Variants in ATXN1 observed in about 807,000 individuals in gnomAD.
ATXN1 encodes the protein ataxin-1.
In ATXN1, 8 loss-of-function variants were observed where a neutral mutation model predicts 56.4. The ratio of observed to expected loss-of-function variants is 0.14; its 90% CI spans 0.08 to 0.26. ATXN1 has a LOEUF of 0.26. Among genes scored for constraint, ATXN1 ranks in the 10% least tolerant of loss-of-function variants. The pLI, the probability that ATXN1 is intolerant of heterozygous loss-of-function variation, is 1.00. For synonymous variants in ATXN1, 514 were observed against 494.6 expected, an observed-to-expected ratio of 1.04 and a Z score of -0.52; for missense variants, 987 against 1,106.5, an observed-to-expected ratio of 0.89 and a Z score of 1.53.
At chr6:16,715,742 A>T (rs1293958958) in intron 2 of ATXN1, among the ~76,000 whole-genome samples, 1 of 152,210 alleles carries the variant, frequency 6.6e-6, no homozygotes, top group Non-Finnish European at 1.5e-5. Context: ...TATGTTTTGG[A>T]ATCTACAGAT....
chr6:16,504,964 C>T (rs1239591803), intron 5 of ATXN1, among the ~76,000 whole-genome samples: 1 of 151,426 alleles, frequency 6.6e-6, no homozygotes, highest in Non-Finnish European at 1.5e-5. Context: ...CCCACCTCCT[C>T]CTCCTCCTGC....
At chr6:16,397,359 C>G (rs192442201) in intron 6 of ATXN1, among the ~76,000 whole-genome samples, 2 of 152,296 alleles carry the variant, frequency 1.3e-5, no homozygotes, top group East Asian at 3.9e-4. Context: ...CAACCTCCAC[C>G]TCCAAGTGAT....
At chr6:16,364,309 G>C (rs528774613) in intron 6 of ATXN1, among the ~76,000 whole-genome samples, 2 of 151,836 alleles carry the variant, frequency 1.3e-5, no homozygotes, top group East Asian at 1.9e-4. Context: ...TGAGGTTCTA[G>C]ATTTTTTTTT....
intron 2 of ATXN1, among the ~76,000 whole-genome samples, chr6:16,710,912 C>T (rs970203592): frequency 1.3e-5 from 2 of 151,774 alleles, no homozygotes; most frequent in African/African-American, 2.4e-5. Flanking sequence ...TTAATAGAGA[C>T]ACGGTCTCAC....
chr6:16,735,973 A>C (rs182108040), intron 2 of ATXN1, among the ~76,000 whole-genome samples: 4 of 152,348 alleles, frequency 2.6e-5, no homozygotes, highest in Admixed American at 2.6e-4. Flanking sequence ...GCTGAGAAAA[A>C]ATAGAATTAA....
intron 4 of ATXN1, among the ~76,000 whole-genome samples, chr6:16,562,560 T>A (rs75076424): frequency 6.6e-6 from 1 of 151,550 alleles, no homozygotes; most frequent in South Asian, 2.1e-4. Context: ...ATGAAATGGC[T>A]GGCAGCAGCC....
chr6:16,539,372 T>C (rs1761668634), intron 4 of ATXN1, among the ~76,000 whole-genome samples: 2 of 152,154 alleles, frequency 1.3e-5, no homozygotes, highest in South Asian at 2.1e-4. Flanking sequence ...CAGAGGCCTA[T>C]GTATTTTGCT....
chr6:16,402,756 C>T (rs1284989653), intron 6 of ATXN1, among the ~76,000 whole-genome samples: 1 of 152,168 alleles, frequency 6.6e-6, no homozygotes, highest in Non-Finnish European at 1.5e-5. Flanking sequence ...AACCAACTCC[C>T]GCTGTGCCCA....
chr6:16,327,182 C>T lies in ATXN1; in HGVS notation c.1129G>A (p.Gly377Arg). The T allele has an allele frequency of 1.2e-6, 2 of 1,613,962 alleles. No homozygotes were observed. The highest frequency in any genetic ancestry group is 8.5e-7 in the Non-Finnish European group (1 of 1,180,024). Residue 377 changes from glycine (G) to arginine (R), a missense_variant, in exon 7 of 8, where the codon GGG (glycine) becomes AGG (arginine). Coordinates refer to ENST00000436367, the MANE Select transcript of ATXN1 (RefSeq NM_001128164.2). ...AGGACCATCACAGAGGCCCGGACCCCCGAAGGATCACGACTGCTGTAGTCT... is the reference window on the plus strand; with the variant it reads ...AGGACCATCACAGAGGCCCGGACCCTCGAAGGATCACGACTGCTGTAGTCT... ...PSDYSSRDPSGVRASVMVLPN... is the reference protein window; with the variant it reads ...PSDYSSRDPSRVRASVMVLPN...
At chr6:16,674,336 C>T (rs200931150) in intron 2 of ATXN1, among the ~76,000 whole-genome samples, 20 of 78,100 alleles carry the variant, frequency 2.6e-4, no homozygotes, top group Non-Finnish European at 2.8e-4. Flanking sequence ...AGAGAACTTT[C>T]TTTTTTTTTT....
intron 6 of ATXN1, among the ~76,000 whole-genome samples, chr6:16,403,136 C>T (rs1758612680): frequency 6.6e-6 from 1 of 152,102 alleles, no homozygotes; most frequent in African/African-American, 2.4e-5. Flanking sequence ...CACATGTACA[C>T]ACACATACAC....
Position 16,326,260 on chromosome 6 carries a change from A to G in ATXN1, c.1917+134T>C. 1 of 1,444,292 alleles carries G rather than the reference A, an allele frequency of 6.9e-7. No homozygotes were observed. The highest frequency in any genetic ancestry group is 1.5e-5 in the South Asian group (1 of 67,768). The allele number at this position is 1,444,292 out of a possible 1,614,324, so 89.5% of individuals were successfully genotyped here. ...ATTTTTTCTAGAGAACGCAGTTGGG[A>G]AAGGCCGAGTCTAAGGTCTAGGTGT... On this transcript the variant is annotated intron_variant, in intron 7 of 7. Coordinates refer to ENST00000436367, the MANE Select transcript of ATXN1 (RefSeq NM_001128164.2). This position sits in a 1 kb window ranked among gnomAD's most constrained non-coding sequence, Gnocchi z 6.6.
chr6:16,544,969 AG>A (rs1761787760), intron 4 of ATXN1, among the ~76,000 whole-genome samples: 1 of 152,188 alleles, frequency 6.6e-6, no homozygotes, highest in Non-Finnish European at 1.5e-5. Flanking sequence ...GATCACAGCC[AG>A]GCTTCCAGGG....
chr6:16,522,423 T>G (rs1038013796), intron 5 of ATXN1, among the ~76,000 whole-genome samples: 1 of 151,920 alleles, frequency 6.6e-6, no homozygotes, highest in South Asian at 2.1e-4. Context: ...AAAAAAGAAA[T>G]CGCAGAAAAA....
At chr6:16,461,028 G>C (rs1481599344) in intron 6 of ATXN1, among the ~76,000 whole-genome samples, 3 of 152,340 alleles carry the variant, frequency 2.0e-5, no homozygotes, top group Admixed American at 2.0e-4. Context: ...ATTGCACACA[G>C]TGCAAAAACC....
chr6:16,326,545 T>C lies in ATXN1; in HGVS notation c.1766A>G (p.Lys589Arg), dbSNP rs1037218661. ...IIQLANGELKKVEDLKTEDFI... is the reference protein window; with the variant it reads ...IIQLANGELKRVEDLKTEDFI... The stretch of plus-strand genomic sequence containing the variant: ...ATCTTCTGTTTTTAAGTCTTCCACC[T>C]TCTTTAGCTCCCCGTTGGCCAACTG... The change falls in exon 7 of 8, where the codon AAG becomes AGG. Residue 589 changes from lysine (K) to arginine (R), a missense_variant. Coordinates refer to ENST00000436367, the MANE Select transcript of ATXN1 (RefSeq NM_001128164.2). This position sits in a 1 kb window ranked among gnomAD's most constrained non-coding sequence, Gnocchi z 6.6. The C allele has an allele frequency of 1.9e-6, 3 of 1,614,070 alleles. No homozygotes were observed. In the African/African-American group the frequency reaches 4.0e-5, roughly 22 times the overall value.
At chr6:16,550,389 T>G (rs1299998441) in intron 4 of ATXN1, among the ~76,000 whole-genome samples, 3 of 152,276 alleles carry the variant, frequency 2.0e-5, no homozygotes, top group Non-Finnish European at 2.9e-5. Context: ...TGTTCCTTCT[T>G]CTTTCATCCC....
At chr6:16,660,497 G>T (rs1250165004) in intron 2 of ATXN1, among the ~76,000 whole-genome samples, 1 of 152,214 alleles carries the variant, frequency 6.6e-6, no homozygotes, top group Non-Finnish European at 1.5e-5. Flanking sequence ...TGGGAGTCAT[G>T]AAATATACTT....
intron 3 of ATXN1, among the ~76,000 whole-genome samples, chr6:16,649,056 C>G (rs1763850130): frequency 6.6e-6 from 1 of 152,172 alleles, no homozygotes; most frequent in Admixed American, 6.5e-5. Context: ...GCGTGCCTCA[C>G]ACACTAGCCT....
Sources: allele counts gnomAD v4.1 joint callset (sites outside exome capture counted in the v4.1 genomes callset), GRCh38; gene constraint gnomAD v4.1.1; non-coding constraint Gnocchi (gnomAD v3.1); transcripts MANE v1.5; gene names NCBI Gene and HGNC (gene_info 2026-07-23, HGNC 2026-07-21).